AUTS2: variants seen among roughly 807,000 people sequenced by gnomAD.
AUTS2 encodes activator of transcription and developmental regulator AUTS2, also known as autism susceptibility gene 2 protein.
A neutral mutation model predicts 112.4 loss-of-function variants in AUTS2; 17 were observed. The ratio of observed to expected loss-of-function variants is 0.15; its 90% CI spans 0.10 to 0.23. AUTS2 has a LOEUF of 0.23. AUTS2 is among the 10% of genes least tolerant of loss of function. The pLI is 1.00. For synonymous variants in AUTS2, 751 were observed against 702.7 expected (o/e 1.07, Z -1.09); for missense variants, 1,510 against 1,701.6 (o/e 0.89, Z 1.98).
At chr7:69,853,628 T>C (rs1444853671) in intron 1 of AUTS2, among the ~76,000 whole-genome samples, 2 of 152,160 alleles carry the variant, frequency 1.3e-5, no homozygotes, top group Non-Finnish European at 2.9e-5. Context: ...ATTATTGGTG[T>C]GTTAGAAGAC....
intron 1 of AUTS2, among the ~76,000 whole-genome samples, chr7:69,850,027 G>A (rs1379867533): frequency 1.3e-5 from 2 of 152,136 alleles, no homozygotes; most frequent in African/African-American, 2.4e-5. Context: ...GGGCGCGGTG[G>A]CTCACACCTG....
chr7:70,770,884 A>G (rs752341062), intron 10 of AUTS2, among the ~76,000 whole-genome samples: 1 of 152,240 alleles, frequency 6.6e-6, no homozygotes, highest in Non-Finnish European at 1.5e-5. Context: ...TGCAACTAGA[A>G]TCCATCTTCT....
At chr7:69,609,381 C>A (rs748013349) in intron 1 of AUTS2, among the ~76,000 whole-genome samples, 1 of 152,216 alleles carries the variant, frequency 6.6e-6, no homozygotes, top group Non-Finnish European at 1.5e-5. Context: ...GCGCTCTCTC[C>A]CAGTGTATCA....
intron 1 of AUTS2, among the ~76,000 whole-genome samples, chr7:69,616,299 G>A (rs1793370369): frequency 6.6e-6 from 1 of 152,172 alleles, no homozygotes; most frequent in Admixed American, 6.5e-5. Context: ...AAAGTACCAG[G>A]TGGCTGCCAT....
At chr7:70,481,647 C>T (rs1382337251) in intron 5 of AUTS2, among the ~76,000 whole-genome samples, 1 of 152,146 alleles carries the variant, frequency 6.6e-6, no homozygotes, top group Non-Finnish European at 1.5e-5. Flanking sequence ...GTCGGCTTGT[C>T]TTCTCTGTCG....
At chr7:70,406,903 A>T (rs890843492) in intron 4 of AUTS2, among the ~76,000 whole-genome samples, 1 of 152,228 alleles carries the variant, frequency 6.6e-6, no homozygotes, top group Non-Finnish European at 1.5e-5. Context: ...TTAACCATGC[A>T]TCACCTCCAA....
intron 5 of AUTS2, among the ~76,000 whole-genome samples, chr7:70,469,616 G>A (rs1797299758): frequency 6.6e-6 from 1 of 152,038 alleles, no homozygotes. Context: ...GATAAGATCC[G>A]ACTCGTGGTT....
chr7:70,402,562 G>A (rs1180519936), intron 4 of AUTS2, among the ~76,000 whole-genome samples: 2 of 152,206 alleles, frequency 1.3e-5, no homozygotes, highest in Non-Finnish European at 2.9e-5. Flanking sequence ...CTGGGTAGTT[G>A]GGCAGGAGAC....
At chr7:69,688,705 T>C (rs1797168543) in intron 1 of AUTS2, among the ~76,000 whole-genome samples, 1 of 152,204 alleles carries the variant, frequency 6.6e-6, no homozygotes, top group African/African-American at 2.4e-5. Context: ...CTTCCAGTGC[T>C]ATAGAACACT....
In AUTS2 at chr7:69,915,603, C is replaced by G. The variant is rs112279237; in HGVS notation, c.522+16105C>G. Among the ~76,000 whole-genome samples the G allele has an allele frequency of 4.1e-4, 63 of 152,296 alleles. 5 individuals carry two copies. Among genetic ancestry groups the G allele is most frequent in the African/African-American group, 1.4e-3 (59 of 41,568 alleles). ...CTTAGTACAGGAAAGTCTTATGTTT[C>G]TGTCTAGAGGTGGAACTGTTTATGA... On this transcript the variant is annotated intron_variant, in intron 2 of 18. Coordinates refer to ENST00000342771, the MANE Select transcript of AUTS2 (RefSeq NM_015570.4).
chr7:69,646,862 G>C (rs990465824), intron 1 of AUTS2, among the ~76,000 whole-genome samples: 1 of 152,134 alleles, frequency 6.6e-6, no homozygotes, highest in Non-Finnish European at 1.5e-5. Flanking sequence ...CGAGGCAGGC[G>C]GATCACGAGA....
chr7:69,933,672 T>C (rs1481562650), intron 2 of AUTS2, among the ~76,000 whole-genome samples: 1 of 152,142 alleles, frequency 6.6e-6, no homozygotes, highest in African/African-American at 2.4e-5. Context: ...TGTTTTTTGT[T>C]TTTTGTTTTT....
intron 5 of AUTS2, among the ~76,000 whole-genome samples, chr7:70,644,139 CAAGT>C (rs938449749): frequency 6.6e-6 from 1 of 152,150 alleles, no homozygotes; most frequent in African/African-American, 2.4e-5. Context: ...GTACCAGTGT[CAAGT>C]TCTGGAATTC....
chr7:70,147,003 CTATT>C (rs745896073), intron 4 of AUTS2, among the ~76,000 whole-genome samples: 2 of 152,064 alleles, frequency 1.3e-5, no homozygotes, highest in African/African-American at 2.4e-5. Context: ...TCAAAACCAT[CTATT>C]TATTCTCATT....
At chr7:69,934,052 A>G (rs1796318864) in intron 2 of AUTS2, among the ~76,000 whole-genome samples, 1 of 152,212 alleles carries the variant, frequency 6.6e-6, no homozygotes, top group Non-Finnish European at 1.5e-5. Context: ...TATTGTTTAG[A>G]CTTAAAAGGA....
intron 2 of AUTS2, among the ~76,000 whole-genome samples, chr7:70,104,864 A>C (rs1169615321): frequency 6.6e-6 from 1 of 151,870 alleles, no homozygotes; most frequent in East Asian, 1.9e-4. Flanking sequence ...GGGTGAGTTG[A>C]CTTTTTTTAT....
chr7:70,155,408 TTTGA>T (rs1807691295), intron 4 of AUTS2, among the ~76,000 whole-genome samples: 1 of 151,820 alleles, frequency 6.6e-6, no homozygotes, highest in Non-Finnish European at 1.5e-5. Flanking sequence ...TGGTCTTTAC[TTTGA>T]TTGTGGCCTC....
rs903587210 is a variant in AUTS2 at position 69,830,597 on chromosome 7, C to T, written c.310-68689C>T. Among the ~76,000 whole-genome samples the T allele has an allele frequency of 2.0e-5, 3 of 152,060 alleles. No homozygotes were observed. The South Asian group carries it at 6.2e-4, about 32-fold the overall frequency. On this transcript the variant is annotated intron_variant, in intron 1 of 18. Transcript: ENST00000342771. ...AACAGTGAGTGATCTGTATCACATC[C>T]TCCTGGAAGTACCTTGGATTTCATT... is the stretch of plus-strand genomic sequence containing the variant.
At chr7:70,619,486 CTGCGTTCTGAA>C (rs1804554603) in intron 5 of AUTS2, among the ~76,000 whole-genome samples, 2 of 151,754 alleles carry the variant, frequency 1.3e-5, no homozygotes, top group Non-Finnish European at 2.9e-5. Context: ...GAAGAGAGAG[CTGCGTTCTGAA>C]GCAGATCTTT....
Sources: allele counts gnomAD v4.1 joint callset (sites outside exome capture counted in the v4.1 genomes callset), GRCh38; gene constraint gnomAD v4.1.1; transcripts MANE v1.5; gene names NCBI Gene and HGNC (gene_info 2026-07-23, HGNC 2026-07-21).